NRXN1: variants seen among roughly 807,000 people sequenced by gnomAD.
The protein encoded by NRXN1 is neurexin 1.
A neutral mutation model predicts 150.9 loss-of-function variants in NRXN1; 39 were observed. The ratio of observed to expected loss-of-function variants is 0.26; its 90% CI spans 0.20 to 0.34. The LOEUF (loss-of-function observed/expected upper bound fraction) is 0.34, where lower values mean the gene tolerates loss of function less well. Among genes scored for constraint, NRXN1 ranks in the 10% least tolerant of loss-of-function variants. The pLI is 1.00. For missense variants in NRXN1, 1,815 were observed against 1,949.9 expected, an observed-to-expected ratio of 0.93 and a Z score of 1.30; for synonymous variants, 924 against 757.0, an observed-to-expected ratio of 1.22 and a Z score of -3.62.
At chr2:50,350,000 G>T (rs533201450) in intron 17 of NRXN1, among the ~76,000 whole-genome samples, 13 of 152,262 alleles carry the variant, frequency 8.5e-5, no homozygotes, top group African/African-American at 2.9e-4. Context: ...AGTACTTACA[G>T]TCAGTTCTCA....
At chr2:50,839,681 G>C (rs992817337) in intron 5 of NRXN1, among the ~76,000 whole-genome samples, 1 of 152,064 alleles carries the variant, frequency 6.6e-6, no homozygotes, top group Non-Finnish European at 1.5e-5. Flanking sequence ...CTATGAGCTA[G>C]ACAGTCCTCT....
chr2:50,260,165 C>A (rs1220544845), intron 17 of NRXN1, among the ~76,000 whole-genome samples: 1 of 151,734 alleles, frequency 6.6e-6, no homozygotes, highest in Non-Finnish European at 1.5e-5. Context: ...TCTATGAGAC[C>A]CCTCTGTCTC....
intron 10 of NRXN1, among the ~76,000 whole-genome samples, chr2:50,537,346 G>A (rs1433756950): frequency 6.6e-6 from 1 of 152,062 alleles, no homozygotes; most frequent in Non-Finnish European, 1.5e-5. Flanking sequence ...TTCCATTGTT[G>A]AAAATAAGTG....
intron 5 of NRXN1, chr2:50,918,101 T>C (rs1344076428): frequency 1.3e-5 from 2 of 151,620 alleles, no homozygotes; most frequent in Non-Finnish European, 3.0e-5. Context: ...TTATTACTTT[T>C]ATAAATTATA....
intron 5 of NRXN1, among the ~76,000 whole-genome samples, chr2:50,814,863 C>CTGGG (rs1668704438): frequency 6.6e-6 from 1 of 152,078 alleles, no homozygotes. Flanking sequence ...AAGCTGGACA[C>CTGGG]CATCTGTTTG....
chr2:50,247,394 T>C (rs943053842), intron 17 of NRXN1, among the ~76,000 whole-genome samples: 1 of 152,068 alleles, frequency 6.6e-6, no homozygotes, highest in Non-Finnish European at 1.5e-5. Context: ...TAATGATTTA[T>C]TAATACTCAG....
intron 21 of NRXN1, among the ~76,000 whole-genome samples, chr2:49,947,332 C>T (rs1164483055): frequency 1.3e-5 from 2 of 151,886 alleles, no homozygotes; most frequent in Non-Finnish European, 2.9e-5. Flanking sequence ...CTCACATCAG[C>T]AGTGATATTG....
chr2:50,461,910 C>T (rs2088266189), intron 17 of NRXN1, among the ~76,000 whole-genome samples: 1 of 151,840 alleles, frequency 6.6e-6, no homozygotes, highest in South Asian at 2.1e-4. Context: ...TTAGCATAAG[C>T]AATGGTGAGG....
intron 9 of NRXN1, among the ~76,000 whole-genome samples, chr2:50,551,005 A>G (rs13383281): frequency 7.0e-6 from 1 of 143,754 alleles, no homozygotes; most frequent in Non-Finnish European, 1.5e-5. Context: ...ATCAGAAAGA[A>G]GAGGAGGAGG....
intron 5 of NRXN1, among the ~76,000 whole-genome samples, chr2:50,799,590 T>A (rs1367563505): frequency 1.3e-5 from 2 of 152,192 alleles, no homozygotes; most frequent in African/African-American, 4.8e-5. Context: ...AGTACCCACA[T>A]AACCATTCTG....
chr2:50,269,376 G>A (rs912114772), intron 17 of NRXN1, among the ~76,000 whole-genome samples: 1 of 152,122 alleles, frequency 6.6e-6, no homozygotes, highest in African/African-American at 2.4e-5. Flanking sequence ...AAATATAAAA[G>A]CAGCTAAAAG....
At chr2:50,396,334 G>T (rs1023435445) in intron 17 of NRXN1, among the ~76,000 whole-genome samples, 1 of 152,090 alleles carries the variant, frequency 6.6e-6, no homozygotes, top group African/African-American at 2.4e-5. Context: ...TTGCTTAACA[G>T]TATCACATGT....
chr2:50,083,749 C>T lies in NRXN1; in HGVS notation c.3718+7574G>A, dbSNP rs140525113. ...CGTTTTGAGAGGGTGCTGATTGGTA[C>T]GTTTACAATCCCTGAGCTAGACACA... On this transcript the variant is annotated intron_variant, in intron 19 of 22. Coordinates refer to ENST00000401669, the MANE Select transcript of NRXN1 (RefSeq NM_001330078.2). 3.1e-4 allele frequency among the ~76,000 whole-genome samples: 47 copies of T among 152,182 alleles called. No individual in the cohort carries two copies. In the East Asian group the frequency reaches 8.9e-3, roughly 29 times the overall value.
chr2:50,302,377 T>G (rs370104781), intron 17 of NRXN1, among the ~76,000 whole-genome samples: 1 of 152,174 alleles, frequency 6.6e-6, no homozygotes, highest in African/African-American at 2.4e-5. Flanking sequence ...AATGAATAAT[T>G]TAATCAATTA....
chr2:50,760,879 A>G (rs1440761223), intron 5 of NRXN1, among the ~76,000 whole-genome samples: 4 of 151,796 alleles, frequency 2.6e-5, no homozygotes, highest in Non-Finnish European at 4.4e-5. Flanking sequence ...CAGCACCACA[A>G]TCTATTCACA....
chr2:50,506,726 G>C, intron 12 of NRXN1, 109 bp from the exon 13 acceptor site: 1 of 1,042,504 alleles, frequency 9.6e-7, no homozygotes, highest in Non-Finnish European at 1.4e-6. Flanking sequence ...GGAGAGAGAG[G>C]AGAGAAAGAA....
intron 8 of NRXN1, among the ~76,000 whole-genome samples, chr2:50,618,357 C>G (rs1033940154): frequency 1.3e-5 from 2 of 152,148 alleles, no homozygotes; most frequent in Non-Finnish European, 1.5e-5. Flanking sequence ...TCCTTGTCTT[C>G]TAGAACTCTC....
intron 17 of NRXN1, among the ~76,000 whole-genome samples, chr2:50,462,175 A>T (rs889411592): frequency 6.6e-6 from 1 of 151,918 alleles, no homozygotes; most frequent in Admixed American, 6.6e-5. Context: ...AGCATGCTAT[A>T]AAAACACTGG....
chr2:50,101,242 A>G (rs2152710271), intron 18 of NRXN1, among the ~76,000 whole-genome samples: 1 of 152,140 alleles, frequency 6.6e-6, no homozygotes, highest in South Asian at 2.1e-4. Context: ...TAAAACCACA[A>G]TCTTTGTTTA....
Sources: allele counts gnomAD v4.1 joint callset (sites outside exome capture counted in the v4.1 genomes callset), GRCh38; gene constraint gnomAD v4.1.1; transcripts MANE v1.5; gene names NCBI Gene and HGNC (gene_info 2026-07-23, HGNC 2026-07-21).